CABCOCO1: variants seen among roughly 807,000 people sequenced by gnomAD.
CABCOCO1 encodes ciliary-associated calcium-binding coiled-coil protein 1.
Under a neutral mutation model 35.7 loss-of-function variants are expected in CABCOCO1, and 28 were observed. The observed-to-expected ratio is 0.78, with a 90% CI of 0.58 to 1.07. The LOEUF (loss-of-function observed/expected upper bound fraction) is 1.07. CABCOCO1 is among the 50% of genes least tolerant of loss of function. The pLI is 0.00. For missense variants in CABCOCO1, 326 were observed against 309.2 expected (o/e 1.05, Z -0.41); for synonymous variants, 95 against 100.1 (o/e 0.95, Z 0.30).
chr10:61,691,809 C>T (rs953289956), intron 5 of CABCOCO1, among the ~76,000 whole-genome samples: 2 of 152,134 alleles, frequency 1.3e-5, no homozygotes, highest in African/African-American at 4.8e-5. Flanking sequence ...CATGTCCCTG[C>T]AAAGGACATG....
intron 5 of CABCOCO1, among the ~76,000 whole-genome samples, chr10:61,717,266 A>G (rs1840890408): frequency 6.6e-6 from 1 of 152,210 alleles, no homozygotes; most frequent in Non-Finnish European, 1.5e-5. Context: ...ACAGGAAAGA[A>G]CTTTGGAATA....
In CABCOCO1 at chr10:61,759,995, C is replaced by G; in HGVS notation, c.553-64C>G. 5 of 1,589,904 alleles carry G rather than the reference C, an allele frequency of 3.1e-6. No homozygotes were observed. The Admixed American group carries it at 6.8e-5, about 22-fold the overall frequency. ...GAACTATGGTACATATATAACGGAA[C>G]TGACCGAAACTGTGGTTGCTCACCA... On this transcript the variant is annotated intron_variant, in intron 5 of 7. Transcript: ENST00000648843.
Position 61,686,084 on chromosome 10 carries a change from A to G in CABCOCO1, c.378A>G (p.Glu126=), listed in dbSNP as rs1216618064. 22 of 1,608,348 alleles carry G rather than the reference A, an allele frequency of 1.4e-5. No individual in the cohort carries two copies. The highest frequency in any genetic ancestry group is 1.9e-5 in the Non-Finnish European group (22 of 1,178,582). The change falls in exon 4 of 8, where the codon GAA becomes GAG. Residue 126 remains glutamate (E), a synonymous_variant. Transcript: ENST00000648843. Reference sequence around the variant, plus strand: ...AGGAAAGCATAAAATGGCTTGGAGAAGTTATGGCTGAAATAGGACCAACAC... The same window carrying G: ...AGGAAAGCATAAAATGGCTTGGAGAGGTTATGGCTGAAATAGGACCAACAC... The part of the protein sequence containing the change: ...SLEESIKWLG[E]VMAEIGPTHS...
intron 5 of CABCOCO1, among the ~76,000 whole-genome samples, chr10:61,704,132 G>A (rs1278678965): frequency 3.3e-5 from 5 of 152,156 alleles, no homozygotes; most frequent in African/African-American, 1.2e-4. Context: ...GCTGAGTCAG[G>A]AGAATCGCTT....
intron 5 of CABCOCO1, among the ~76,000 whole-genome samples, chr10:61,705,879 T>G (rs1438570045): frequency 6.6e-6 from 1 of 152,204 alleles, no homozygotes; most frequent in Non-Finnish European, 1.5e-5. Context: ...ATTACTAATG[T>G]CCACAAGCTT....
Position 61,667,530 on chromosome 10 carries a change from T to C in CABCOCO1, c.60+4498T>C, listed in dbSNP as rs537747179. ...GTAGGAAGGACTTAGTTCTTTGAATTTGAAAGTTTTCAATAAATCTCTTTT... is the reference window on the plus strand; with the variant it reads ...GTAGGAAGGACTTAGTTCTTTGAATCTGAAAGTTTTCAATAAATCTCTTTT... On this transcript the variant is annotated intron_variant, in intron 1 of 7. Transcript: ENST00000648843. 5.3e-5 allele frequency among the ~76,000 whole-genome samples: 8 copies of C among 151,880 alleles called. No homozygotes were observed. In the South Asian group the frequency reaches 1.7e-3, roughly 31 times the overall value.
At chr10:61,694,301 T>C (rs1452082842) in intron 5 of CABCOCO1, among the ~76,000 whole-genome samples, 1 of 146,760 alleles carries the variant, frequency 6.8e-6, no homozygotes, top group East Asian at 2.0e-4. Context: ...TTATCTAGTA[T>C]GGCAATACCT....
intron 5 of CABCOCO1, among the ~76,000 whole-genome samples, chr10:61,701,157 C>T (rs535253479): frequency 6.6e-6 from 1 of 152,118 alleles, no homozygotes; most frequent in South Asian, 2.1e-4. Context: ...TTATGTTTTG[C>T]AATCAGCATG....
At chr10:61,699,273 G>A (rs920488274) in intron 5 of CABCOCO1, among the ~76,000 whole-genome samples, 4 of 152,006 alleles carry the variant, frequency 2.6e-5, no homozygotes, top group Admixed American at 6.6e-5. Flanking sequence ...CTTTTTCTCC[G>A]AAGCACAGAA....
intron 2 of CABCOCO1, among the ~76,000 whole-genome samples, chr10:61,679,316 T>A: frequency 7.6e-6 from 1 of 130,824 alleles, no homozygotes; most frequent in South Asian, 2.3e-4. Context: ...TATATCTATA[T>A]CTATATCTAT....
rs530324964 is a variant in CABCOCO1, at chr10:61,713,627, G to A, written c.552+23006G>A. On this transcript the variant is annotated intron_variant, in intron 5 of 7. Transcript: ENST00000648843. ...AATGCTTCCAGTTGTTGCCCATTCC[G>A]TATGATATTGGCTGTGGGTTTGTCA... Among the ~76,000 whole-genome samples, 81 of 152,244 alleles carry A rather than the reference G, an allele frequency of 5.3e-4. No homozygotes were observed. In the South Asian group the frequency reaches 5.6e-3, roughly 11 times the overall value.
chr10:61,680,730 T>TA (rs1366796612), intron 2 of CABCOCO1, among the ~76,000 whole-genome samples: 2 of 111,062 alleles, frequency 1.8e-5, no homozygotes, highest in Admixed American at 1.9e-4. Context: ...ATATATTATA[T>TA]ATATAATATA....
chr10:61,666,550 G>C (rs1014641103), intron 1 of CABCOCO1, among the ~76,000 whole-genome samples: 1 of 151,944 alleles, frequency 6.6e-6, no homozygotes. Context: ...TCTTACTGTC[G>C]GTCTTTGGGT....
chr10:61,673,075 C>T (rs1490588907), intron 2 of CABCOCO1, among the ~76,000 whole-genome samples: 4 of 152,238 alleles, frequency 2.6e-5, no homozygotes, highest in African/African-American at 7.2e-5. Context: ...TGTTCTCCCT[C>T]GTTGTAAGAA....
At chr10:61,717,332 T>C (rs78897160) in intron 5 of CABCOCO1, among the ~76,000 whole-genome samples, 1 of 152,314 alleles carries the variant, frequency 6.6e-6, no homozygotes, top group South Asian at 2.1e-4. Context: ...GGAGTACTAT[T>C]TTATGAATTC....
chr10:61,761,135 T>G (rs759461677), intron 7 of CABCOCO1, 132 bp downstream of exon 7: 11 of 919,826 alleles, frequency 1.2e-5, no homozygotes, highest in Non-Finnish European at 1.8e-5. Flanking sequence ...TTTAACAGCT[T>G]CACATAATTC....
intron 1 of CABCOCO1, among the ~76,000 whole-genome samples, chr10:61,664,832 T>C (rs944849336): frequency 5.9e-5 from 9 of 152,170 alleles, no homozygotes; most frequent in Admixed American, 4.6e-4. Flanking sequence ...GGGGGTGTCG[T>C]ATGTTAGATA....
intron 5 of CABCOCO1, among the ~76,000 whole-genome samples, chr10:61,718,876 T>G (rs1454591992): frequency 6.6e-6 from 1 of 152,198 alleles, no homozygotes; most frequent in South Asian, 2.1e-4. Context: ...AAAAAGGTGT[T>G]CATTTCTACC....
intron 5 of CABCOCO1, among the ~76,000 whole-genome samples, chr10:61,713,938 G>T (rs535550705): frequency 6.6e-6 from 1 of 152,072 alleles, no homozygotes; most frequent in Non-Finnish European, 1.5e-5. Flanking sequence ...ATTTTGCATC[G>T]ATGTTCATCA....
Sources: allele counts gnomAD v4.1 joint callset (sites outside exome capture counted in the v4.1 genomes callset), GRCh38; gene constraint gnomAD v4.1.1; transcripts MANE v1.5; gene names NCBI Gene and HGNC (gene_info 2026-07-23, HGNC 2026-07-21).